The following IPO13 variants were observed in gnomAD, a reference collection of about 807,000 sequenced individuals.
The protein encoded by IPO13 is importin 13.
IPO13 carries 28 observed loss-of-function variants against 115.5 expected under a neutral mutation model. The observed-to-expected ratio is 0.24, with a 90% CI of 0.18 to 0.33. The LOEUF (loss-of-function observed/expected upper bound fraction) is 0.33, where lower values mean the gene tolerates loss of function less well. IPO13 is among the 10% of genes least tolerant of loss of function. IPO13 has a pLI of 1.00. For synonymous variants in IPO13, 414 were observed against 478.9 expected, an observed-to-expected ratio of 0.86 and a Z score of 1.77; for missense variants, 785 against 1,204.6, an observed-to-expected ratio of 0.65 and a Z score of 5.16.
intron 15 of IPO13, among the ~76,000 whole-genome samples, 159 bp downstream of exon 15, chr1:43,964,480 C>A (rs1284634595): frequency 6.6e-6 from 1 of 152,064 alleles, no homozygotes; most frequent in Non-Finnish European, 1.5e-5. Context: ...AGTTGACAAC[C>A]CAACATCCTC....
intron 11 of IPO13, among the ~76,000 whole-genome samples, chr1:43,959,834 G>A (rs187493307): frequency 1.3e-5 from 2 of 152,294 alleles, no homozygotes; most frequent in African/African-American, 2.4e-5. Flanking sequence ...AGCAGCTTAA[G>A]CCTGCATCTG....
At position 43,957,177 on chromosome 1, in the gene IPO13, C is replaced by T. The variant is rs758394973; in HGVS notation, c.1272-18C>T. 5 of 1,612,156 alleles carry T rather than the reference C, an allele frequency of 3.1e-6. No homozygotes were observed. The highest frequency in any genetic ancestry group is 4.2e-6 in the Non-Finnish European group (5 of 1,178,660). On this transcript the variant is annotated intron_variant, in intron 5 of 19. Transcript: ENST00000372343. Reference sequence around the variant, plus strand: ...GTCAGGATCCAGGCAGTATAAAAGGCCTTCATCTGCTTCTCAGGGTGGACA... The same window carrying T: ...GTCAGGATCCAGGCAGTATAAAAGGTCTTCATCTGCTTCTCAGGGTGGACA...
rs1255262286 is a variant in IPO13, at chr1:43,956,209, G to C, written c.822-111G>C. 4 of 1,255,006 alleles carry C rather than the reference G, an allele frequency of 3.2e-6. No homozygotes were observed. Among genetic ancestry groups the C allele is most frequent in the Non-Finnish European group, 4.4e-6 (4 of 903,856 alleles). 77.7% of individuals were successfully genotyped at this position (1,255,006 alleles called of 1,614,324 possible). A position where few individuals can be genotyped will look rare whatever the true frequency, so the allele number is the denominator to read the frequency against. On this transcript the variant is annotated intron_variant, in intron 2 of 19. Coordinates refer to ENST00000372343, the MANE Select transcript of IPO13 (RefSeq NM_014652.4). This position sits in a 1 kb window ranked among gnomAD's most constrained non-coding sequence, Gnocchi z 4.7. Reference sequence around the variant, plus strand: ...CTGACCCTTTTTTTGCTTAGGATTTGATAAGGGAAGGGGAGCTTTGATGGA... The same window carrying C: ...CTGACCCTTTTTTTGCTTAGGATTTCATAAGGGAAGGGGAGCTTTGATGGA...
rs1376009309 is a variant in IPO13 at position 43,952,136 on chromosome 1, A to G, written c.821+1983A>G. 6.6e-6 allele frequency among the ~76,000 whole-genome samples: 1 copy of G among 152,110 alleles called. No individual in the cohort carries two copies. Among genetic ancestry groups the G allele is most frequent in the African/African-American group, 2.4e-5 (1 of 41,408 alleles). On this transcript the variant is annotated intron_variant, in intron 2 of 19. Coordinates refer to ENST00000372343, the MANE Select transcript of IPO13 (RefSeq NM_014652.4). This position sits in a 1 kb window ranked among gnomAD's most constrained non-coding sequence, Gnocchi z 4.7. ...AATGGGAACTGTGTGTATATGTTCTACCTTTATACTTTATGTGATCAGTTA... is the reference window on the plus strand; with the variant it reads ...AATGGGAACTGTGTGTATATGTTCTGCCTTTATACTTTATGTGATCAGTTA...
At position 43,967,699 on chromosome 1, in the gene IPO13, A is replaced by T; in HGVS notation, c.*17A>T. ...GACTACTGAGGGGTGCCCCCATCCC[A>T]TCCACCCCTTCTCTTCATCCTTCCC... is the stretch of plus-strand genomic sequence containing the variant. On this transcript the variant is annotated 3_prime_UTR_variant, in exon 20 of 20. Transcript: ENST00000372343. The surrounding 1 kb of genome is among the most constrained non-coding windows in gnomAD (Gnocchi z 6.1). 1 of 1,605,898 alleles carries T rather than the reference A, an allele frequency of 6.2e-7. No homozygotes were observed. The highest frequency in any genetic ancestry group is 8.5e-7 in the Non-Finnish European group (1 of 1,172,654).
intron 15 of IPO13, 103 bp downstream of exon 15, chr1:43,964,424 T>C: frequency 1.0e-6 from 1 of 970,920 alleles, no homozygotes; most frequent in Non-Finnish European, 1.6e-6. Flanking sequence ...TTGACAAATT[T>C]TTTTTCTGTT....
chr1:43,950,071 T>C lies in IPO13; in HGVS notation c.739T>C (p.Phe247Leu). The stretch of plus-strand genomic sequence containing the variant: ...CTGTGAGGCGCTCATTCAGGCTGCC[T>C]TTGCTGCTCTGCAGGACTCGGAGCT... ...QDCEALIQAA[F>L]AALQDSELFD... is the part of the protein sequence containing the mutation. Residue 247 changes from phenylalanine (F) to leucine (L), a missense_variant, in exon 2 of 20, where the codon TTT (phenylalanine) becomes CTT (leucine). Coordinates refer to ENST00000372343, the MANE Select transcript of IPO13 (RefSeq NM_014652.4). The C allele has an allele frequency of 6.2e-7, 1 of 1,613,884 alleles. No individual in the cohort carries two copies.
rs2085257049 is a variant in IPO13 at position 43,957,232 on chromosome 1, A to T, written c.1309A>T (p.Met437Leu). The T allele has an allele frequency of 4.3e-6, 7 of 1,613,850 alleles. No individual in the cohort carries two copies. In the South Asian group the frequency reaches 6.6e-5, roughly 15 times the overall value. The change falls in exon 6 of 20, where the codon ATG (methionine) becomes TTG (leucine). Residue 437 changes from methionine to leucine, a missense_variant. Met to Leu is a conservative substitution (Grantham distance 15). Transcript: ENST00000372343. Reference sequence around the variant, plus strand: ...AGACACGCTCATGTATGTCTATGAGATGTTGGGGGCCGAGCTGCTCAGCAA... The same window carrying T: ...AGACACGCTCATGTATGTCTATGAGTTGTTGGGGGCCGAGCTGCTCAGCAA... ...ISDTLMYVYEMLGAELLSNLY... is the reference protein window; with the variant it reads ...ISDTLMYVYELLGAELLSNLY...
rs1271269117 is a variant in IPO13, at chr1:43,947,314, C to CA, written c.-286dup. ...ACTCCCTCCACACAGATTCTGGGGA[C>CA]AGAGCTGTTACCTGCCACTAGGATC... On this transcript the variant is annotated 5_prime_UTR_variant, in exon 1 of 20. Coordinates refer to ENST00000372343, the MANE Select transcript of IPO13 (RefSeq NM_014652.4). 2.5e-6 allele frequency: 1 copy of CA among 399,250 alleles called. No individual in the cohort carries two copies. 24.7% of individuals were successfully genotyped at this position (399,250 alleles called of 1,614,324 possible).
At chr1:43,954,644 G>A (rs1180365092) in intron 2 of IPO13, among the ~76,000 whole-genome samples, 1 of 152,190 alleles carries the variant, frequency 6.6e-6, no homozygotes, top group African/African-American at 2.4e-5. Context: ...GATCCAGTGG[G>A]CTGAGCCAGG....
intron 12 of IPO13, among the ~76,000 whole-genome samples, chr1:43,960,668 C>A (rs1453089274): frequency 1.3e-5 from 2 of 152,210 alleles, no homozygotes. Flanking sequence ...GAGTTAAGTT[C>A]CACAGTTACA....
intron 2 of IPO13, among the ~76,000 whole-genome samples, chr1:43,954,817 T>C (rs1487352839): frequency 6.6e-6 from 1 of 152,220 alleles, no homozygotes; most frequent in African/African-American, 2.4e-5. Flanking sequence ...AGCTGTTAGC[T>C]GATGACTCTC....
Position 43,949,896 on chromosome 1 carries a change from C to T in IPO13, c.564C>T (p.Gly188=), listed in dbSNP as rs144345667. 1.8e-4 allele frequency: 286 copies of T among 1,611,354 alleles called. 2 individuals carry two copies. The East Asian group carries it at 5.3e-3, about 30-fold the overall frequency. ...QTSRLPQYRK[G]LVRTSLAVEC... Reference sequence around the variant, plus strand: ...GTCGCCTACCCCAGTACCGCAAAGGCCTGGTGCGGACCAGCCTGGCGGTGG... The same window carrying T: ...GTCGCCTACCCCAGTACCGCAAAGGTCTGGTGCGGACCAGCCTGGCGGTGG... The change falls in exon 2 of 20, where the codon GGC becomes GGT. Residue 188 remains glycine, a synonymous_variant. Transcript: ENST00000372343.
Position 43,958,313 on chromosome 1 carries a change from G to T in IPO13, c.1749+45G>T. On this transcript the variant is annotated intron_variant, in intron 9 of 19. Coordinates refer to ENST00000372343, the MANE Select transcript of IPO13 (RefSeq NM_014652.4). This position sits in a 1 kb window ranked among gnomAD's most constrained non-coding sequence, Gnocchi z 6.3. ...AGGGGTCTCCTTGGAGGTCTTGTGG[G>T]AATCACTTATCCCTGAAATCCTGTT... 1 of 1,612,992 alleles carries T rather than the reference G, an allele frequency of 6.2e-7. No individual in the cohort carries two copies. Among genetic ancestry groups the T allele is most frequent in the Non-Finnish European group, 8.5e-7 (1 of 1,179,010 alleles).
At position 43,955,905 on chromosome 1, in the gene IPO13, C is replaced by T. The variant is rs144751344; in HGVS notation, c.822-415C>T. Among the ~76,000 whole-genome samples, 32 of 151,656 alleles carry T rather than the reference C, an allele frequency of 2.1e-4. No individual in the cohort carries two copies. In the East Asian group the frequency reaches 6.2e-3, roughly 29 times the overall value. On this transcript the variant is annotated intron_variant, in intron 2 of 19. Transcript: ENST00000372343. Reference sequence around the variant, plus strand: ...TGTAACCTAGCTGGATGTGGTGGCTCCACCTGTAATCCCAGCTACTCTGGA... The same window carrying T: ...TGTAACCTAGCTGGATGTGGTGGCTTCACCTGTAATCCCAGCTACTCTGGA...
At chr1:43,957,577 T>C in intron 7 of IPO13, 28 bp downstream of exon 7, 1 of 1,612,592 alleles carries the variant, frequency 6.2e-7, no homozygotes. Flanking sequence ...CCCATGACCA[T>C]ATTCCCAGAG....
At chr1:43,948,455 C>G (rs1990150) in intron 1 of IPO13, among the ~76,000 whole-genome samples, 32,476 of 152,306 alleles carry the variant, frequency 0.21, 4,161 homozygotes, top group African/African-American at 0.34. Context: ...GAATGATGTT[C>G]ACTTGTTATC....
chr1:43,952,624 A>G lies in IPO13; in HGVS notation c.821+2471A>G, dbSNP rs945228532. 1.3e-5 allele frequency among the ~76,000 whole-genome samples: 2 copies of G among 152,166 alleles called. No homozygotes were observed. Among genetic ancestry groups the G allele is most frequent in the African/African-American group, 4.8e-5 (2 of 41,432 alleles). On this transcript the variant is annotated intron_variant, in intron 2 of 19. Transcript: ENST00000372343. This position sits in a 1 kb window ranked among gnomAD's most constrained non-coding sequence, Gnocchi z 4.7. ...AAATTTGAAAAGGAGTTGGTTTCCT[A>G]TATATATATGTGTGTGTATACATAC...
chr1:43,964,401 T>C, intron 15 of IPO13, 80 bp downstream of exon 15: 2 of 1,242,792 alleles, frequency 1.6e-6, no homozygotes, highest in Admixed American at 4.1e-5. Context: ...TTAAGCCTAT[T>C]TTTAGCTTTC....
Sources: allele counts gnomAD v4.1 joint callset (sites outside exome capture counted in the v4.1 genomes callset), GRCh38; gene constraint gnomAD v4.1.1; non-coding constraint Gnocchi (gnomAD v3.1); transcripts MANE v1.5; gene names NCBI Gene and HGNC (gene_info 2026-07-23, HGNC 2026-07-21).